SFXN5: variants seen among roughly 807,000 people sequenced by gnomAD.
SFXN5 encodes the protein sideroflexin 5.
A neutral mutation model predicts 50.2 loss-of-function variants in SFXN5; 43 were observed. The ratio of observed to expected loss-of-function variants is 0.86; its 90% CI spans 0.67 to 1.11. The LOEUF (loss-of-function observed/expected upper bound fraction) is 1.11. Among genes scored for constraint, SFXN5 ranks in the 50% least tolerant of loss-of-function variants. The pLI, the probability that SFXN5 is intolerant of heterozygous loss-of-function variation, is 0.00. For missense variants in SFXN5, 463 were observed against 454.1 expected, an observed-to-expected ratio of 1.02 and a Z score of -0.18; for synonymous variants, 203 against 185.8, an observed-to-expected ratio of 1.09 and a Z score of -0.75.
chr2:73,013,318 T>G (rs1010993925), intron 6 of SFXN5, among the ~76,000 whole-genome samples: 1 of 152,044 alleles, frequency 6.6e-6, no homozygotes, highest in Non-Finnish European at 1.5e-5. Context: ...CAGGCAATGA[T>G]ATATAATGCA....
chr2:73,000,679 G>A (rs983094728), intron 7 of SFXN5, among the ~76,000 whole-genome samples, 192 bp from the exon 8 acceptor site: 2 of 152,184 alleles, frequency 1.3e-5, no homozygotes, highest in Non-Finnish European at 2.9e-5. Flanking sequence ...TGTTAGCACT[G>A]GAAGCCCTGC....
intron 1 of SFXN5, among the ~76,000 whole-genome samples, chr2:73,069,172 G>A (rs1683394875): frequency 6.6e-6 from 1 of 152,150 alleles, no homozygotes; most frequent in East Asian, 1.9e-4. Context: ...AAGGGCGTAG[G>A]GAGTCCCTTG....
chr2:73,063,768 C>T (rs926673637), intron 1 of SFXN5, among the ~76,000 whole-genome samples: 3 of 152,174 alleles, frequency 2.0e-5, no homozygotes, highest in Non-Finnish European at 4.4e-5. Context: ...TTTATAGATC[C>T]TGTGGGTCCT....
chr2:73,046,118 C>T (rs944617480), intron 2 of SFXN5, among the ~76,000 whole-genome samples: 1 of 152,132 alleles, frequency 6.6e-6, no homozygotes, highest in Non-Finnish European at 1.5e-5. Flanking sequence ...AAACTAAAAG[C>T]GATATGTTGG....
At chr2:72,989,300 T>G (rs73943017) in intron 9 of SFXN5, among the ~76,000 whole-genome samples, 9,618 of 152,198 alleles carry the variant, frequency 0.063, 386 homozygotes, top group East Asian at 0.17. Flanking sequence ...GGCCCACCCA[T>G]GAGTTCCACC....
At chr2:73,020,429 A>G (rs1178007262) in intron 5 of SFXN5, among the ~76,000 whole-genome samples, 165 bp from the exon 6 acceptor site, 1 of 152,118 alleles carries the variant, frequency 6.6e-6, no homozygotes, top group African/African-American at 2.4e-5. Flanking sequence ...TTCCCAGTTC[A>G]GCCCTCACCG....
chr2:73,018,102 G>A (rs1418848640), intron 6 of SFXN5, among the ~76,000 whole-genome samples: 1 of 152,106 alleles, frequency 6.6e-6, no homozygotes, highest in Non-Finnish European at 1.5e-5. Flanking sequence ...TAGCTACTCG[G>A]GAGGCTGAGG....
chr2:73,031,091 C>A (rs1296779571), intron 3 of SFXN5, among the ~76,000 whole-genome samples: 1 of 152,218 alleles, frequency 6.6e-6, no homozygotes, highest in Non-Finnish European at 1.5e-5. Context: ...ATGGCACAGA[C>A]CACAAACTGT....
intron 1 of SFXN5, among the ~76,000 whole-genome samples, chr2:73,063,819 T>C (rs1416233263): frequency 1.3e-5 from 2 of 152,188 alleles, no homozygotes; most frequent in African/African-American, 2.4e-5. Flanking sequence ...TCTGTGTCTG[T>C]CCTCCCTGTC....
chr2:73,007,262 GT>G (rs2105742865), intron 6 of SFXN5, among the ~76,000 whole-genome samples: 1 of 152,170 alleles, frequency 6.6e-6, no homozygotes, highest in South Asian at 2.1e-4. Context: ...TTTTAAAAGC[GT>G]GGGAAACCTG....
At chr2:72,974,386 T>G (rs577841550) in intron 10 of SFXN5, among the ~76,000 whole-genome samples, 1 of 152,132 alleles carries the variant, frequency 6.6e-6, no homozygotes, top group South Asian at 2.1e-4. Context: ...ACAAAACCAC[T>G]GAGATGAAAG....
intron 2 of SFXN5, among the ~76,000 whole-genome samples, chr2:73,056,098 A>C (rs1222859646): frequency 6.6e-6 from 1 of 152,228 alleles, no homozygotes; most frequent in Non-Finnish European, 1.5e-5. Context: ...AGAACATGCC[A>C]CTGCACTCCA....
At chr2:73,009,567 T>C (rs577340097) in intron 6 of SFXN5, among the ~76,000 whole-genome samples, 365 of 152,344 alleles carry the variant, frequency 2.4e-3, no homozygotes, top group African/African-American at 8.3e-3. Context: ...GGCTGCCTCG[T>C]AGAGCTGCTG....
At chr2:73,056,841 T>C (rs1419183621) in intron 2 of SFXN5, among the ~76,000 whole-genome samples, 1 of 152,188 alleles carries the variant, frequency 6.6e-6, no homozygotes, top group Non-Finnish European at 1.5e-5. Flanking sequence ...AAATGTAAAA[T>C]GTACAACGCT....
intron 12 of SFXN5, among the ~76,000 whole-genome samples, chr2:72,963,438 C>T (rs1390237230): frequency 6.6e-6 from 1 of 151,964 alleles, no homozygotes; most frequent in Non-Finnish European, 1.5e-5. Context: ...GAGGCCTGGG[C>T]TCCCAGCTCA....
rs2164733 is a variant in SFXN5, at chr2:72,945,843, C to T, written c.946-744G>A. On this transcript the variant is annotated intron_variant, in intron 13 of 13. Transcript: ENST00000272433. The surrounding 1 kb of genome is among the most constrained non-coding windows in gnomAD (Gnocchi z 5.8). ...CTGCAGACAACCACCCCACCCCTGCCCCCATAGCCAGGTCAGCTCCCTCGC... is the reference window on the plus strand; with the variant it reads ...CTGCAGACAACCACCCCACCCCTGCTCCCATAGCCAGGTCAGCTCCCTCGC... 0.21 allele frequency among the ~76,000 whole-genome samples: 31,576 copies of T among 151,718 alleles called. 3,605 individuals carry two copies. The highest frequency in any genetic ancestry group is 0.27 in the African/African-American group (11,172 of 41,298).
At position 72,961,197 on chromosome 2, in the gene SFXN5, G is replaced by A; in HGVS notation, c.879C>T (p.Leu293=). 7 of 1,563,588 alleles carry A rather than the reference G, an allele frequency of 4.5e-6. No homozygotes were observed. Among genetic ancestry groups the A allele is most frequent in the Non-Finnish European group, 5.2e-6 (6 of 1,160,368 alleles). ...CCAGGCCGAAGGCTGCCAGGCACAC[G>A]AGGCTTTGCACAGGGAGGAGCAGCC... is the stretch of plus-strand genomic sequence containing the variant. ...RPRLLLPVQS[L]VCLAAFGLAL... Residue 293 remains leucine, a synonymous_variant, in exon 13 of 14, where the codon CTC becomes CTT. Coordinates refer to ENST00000272433, the MANE Select transcript of SFXN5 (RefSeq NM_144579.3). The surrounding 1 kb of genome is among the most constrained non-coding windows in gnomAD (Gnocchi z 4.4).
chr2:72,955,039 C>A (rs147897558), intron 13 of SFXN5, among the ~76,000 whole-genome samples: 2 of 152,312 alleles, frequency 1.3e-5, no homozygotes, highest in East Asian at 3.9e-4. Flanking sequence ...AGAGGGCAGG[C>A]CTTGGGGCCA....
chr2:73,047,327 A>G (rs1374622410), intron 2 of SFXN5, among the ~76,000 whole-genome samples: 2 of 130,234 alleles, frequency 1.5e-5, no homozygotes, highest in Non-Finnish European at 3.2e-5. Flanking sequence ...ATGTATATAT[A>G]TGTGTATATA....
Sources: allele counts gnomAD v4.1 joint callset (sites outside exome capture counted in the v4.1 genomes callset), GRCh38; gene constraint gnomAD v4.1.1; non-coding constraint Gnocchi (gnomAD v3.1); transcripts MANE v1.5; gene names NCBI Gene and HGNC (gene_info 2026-07-23, HGNC 2026-07-21).